The following NUP210L variants were observed in gnomAD, a reference collection of about 807,000 sequenced individuals.
NUP210L encodes the protein nucleoporin 210 like.
Under a neutral mutation model 208.5 loss-of-function variants are expected in NUP210L, and 74 were observed. That is an observed-to-expected ratio of 0.35 (90% CI 0.29 to 0.43). The LOEUF is 0.43. NUP210L is among the 20% of genes least tolerant of loss of function. NUP210L has a pLI of 1.00. For synonymous variants in NUP210L, 780 were observed against 816.9 expected (o/e 0.95, Z 0.77); for missense variants, 1,843 against 2,289.4 (o/e 0.81, Z 3.98).
chr1:153,995,219 AG>A (rs781759995), intron 37 of NUP210L, 39 bp from the exon 38 acceptor site: 1 of 1,382,330 alleles, frequency 7.2e-7, no homozygotes, highest in Non-Finnish European at 1.0e-6. Context: ...AATAGTTAAT[AG>A]CAACCATGGG....
intron 25 of NUP210L, among the ~76,000 whole-genome samples, chr1:154,048,401 AT>A (rs1653304549): frequency 6.6e-6 from 1 of 152,174 alleles, no homozygotes; most frequent in Non-Finnish European, 1.5e-5. Context: ...TATTATAGCT[AT>A]GTTTGAGCTT....
chr1:154,012,783 C>T (rs2147911310), intron 33 of NUP210L, among the ~76,000 whole-genome samples: 1 of 151,464 alleles, frequency 6.6e-6, no homozygotes, highest in South Asian at 2.1e-4. Flanking sequence ...GCGGGCGGCT[C>T]ACCTGGGGTC....
At chr1:154,113,523 A>G (rs936200563) in intron 12 of NUP210L, among the ~76,000 whole-genome samples, 1 of 152,120 alleles carries the variant, frequency 6.6e-6, no homozygotes, top group African/African-American at 2.4e-5. Context: ...AATAACAACC[A>G]CAAAAAAGAA....
At chr1:154,085,538 A>G (rs1286573584) in intron 16 of NUP210L, among the ~76,000 whole-genome samples, 4 of 152,136 alleles carry the variant, frequency 2.6e-5, no homozygotes, top group Non-Finnish European at 5.9e-5. Context: ...AAAAGGCAAT[A>G]TTATCAAAAT....
chr1:154,154,943 G>A (rs199776525), exon 1 of NUP210L: 1 of 1,614,204 alleles, frequency 6.2e-7, no homozygotes. Context: ...TGTTGGCCAG[G>A]GTCCCACGCA....
At chr1:154,022,981 TA>T in intron 31 of NUP210L, 140 bp downstream of exon 31, 8 of 867,562 alleles carry the variant, frequency 9.2e-6, no homozygotes, top group Non-Finnish European at 1.2e-5. Flanking sequence ...TGGCCTCACT[TA>T]AAAAAATTTT....
chr1:154,138,936 T>C (rs6665098), intron 5 of NUP210L, among the ~76,000 whole-genome samples: 148,214 of 152,318 alleles, frequency 0.97, 72,234 homozygotes, highest in East Asian at 1. Flanking sequence ...ATATAAATTT[T>C]TGCACACAAA....
intron 7 of NUP210L, among the ~76,000 whole-genome samples, chr1:154,133,826 C>A (rs931889536): frequency 3.3e-5 from 5 of 151,878 alleles, no homozygotes; most frequent in African/African-American, 4.8e-5. Flanking sequence ...CCAGCCTGGG[C>A]AACAGAGTGA....
intron 16 of NUP210L, among the ~76,000 whole-genome samples, chr1:154,073,841 TAAATA>T (rs1654898617): frequency 6.7e-6 from 1 of 150,202 alleles, no homozygotes; most frequent in East Asian, 2.0e-4. Flanking sequence ...AATAAATAAA[TAAATA>T]AATAAATAAA....
intron 12 of NUP210L, among the ~76,000 whole-genome samples, chr1:154,105,395 A>ATGAGAATT (rs1372405034): frequency 6.6e-6 from 1 of 151,464 alleles, no homozygotes; most frequent in African/African-American, 2.4e-5. Context: ...AGGCTGAGGC[A>ATGAGAATT]TGAGAATTGC....
chr1:154,045,045 G>A lies in NUP210L; in HGVS notation c.3696+1024C>T, dbSNP rs117567384. ...CCAGATACAGCAGGTAGTGAATTGG[G>A]AGGAGCCAATACCACCAGATACCAA... On this transcript the variant is annotated intron_variant, in intron 27 of 39. Coordinates refer to ENST00000368559, the Ensembl canonical transcript of NUP210L. 2.0e-4 allele frequency among the ~76,000 whole-genome samples: 31 copies of A among 152,236 alleles called. No homozygotes were observed. In the East Asian group the frequency reaches 5.8e-3, roughly 28 times the overall value.
chr1:154,065,292 C>A (rs1654347714), intron 17 of NUP210L, among the ~76,000 whole-genome samples: 1 of 150,948 alleles, frequency 6.6e-6, no homozygotes. Flanking sequence ...TGGTGGCATG[C>A]ACCTACAGTC....
intron 24 of NUP210L, among the ~76,000 whole-genome samples, 170 bp from the exon 25 acceptor site, chr1:154,054,577 T>C (rs1475771796): frequency 6.6e-6 from 1 of 152,214 alleles, no homozygotes; most frequent in Non-Finnish European, 1.5e-5. Flanking sequence ...AAATGATCCA[T>C]GGGATTCCAA....
chr1:154,152,477 A>ATT (rs11458686), intron 2 of NUP210L, among the ~76,000 whole-genome samples: 1,827 of 139,356 alleles, frequency 0.013, 42 homozygotes, highest in African/African-American at 0.042. Context: ...CCCAGCCATA[A>ATT]TTTTTTTTTT....
intron 2 of NUP210L, among the ~76,000 whole-genome samples, chr1:154,151,083 T>G (rs1385933196): frequency 6.6e-6 from 1 of 152,088 alleles, no homozygotes; most frequent in Non-Finnish European, 1.5e-5. Flanking sequence ...GATTTGACAT[T>G]TTTCCTAGTA....
At chr1:154,007,250 C>A (rs1414837387) in intron 35 of NUP210L, among the ~76,000 whole-genome samples, 1 of 139,668 alleles carries the variant, frequency 7.2e-6, no homozygotes, top group Non-Finnish European at 1.5e-5. Context: ...GCGTTAGCTA[C>A]TGCGCCGGGC....
intron 22 of NUP210L, among the ~76,000 whole-genome samples, chr1:154,057,207 GA>G (rs1653915017): frequency 6.6e-6 from 1 of 151,940 alleles, no homozygotes; most frequent in African/African-American, 2.4e-5. Context: ...TTGAATTTTG[GA>G]TTCAAGCAAT....
chr1:154,098,713 G>A (rs886068579), intron 14 of NUP210L, among the ~76,000 whole-genome samples: 2 of 152,164 alleles, frequency 1.3e-5, no homozygotes, highest in South Asian at 4.1e-4. Flanking sequence ...AGCCATGGGT[G>A]GGTCTGGAAA....
intron 8 of NUP210L, among the ~76,000 whole-genome samples, chr1:154,128,358 C>T (rs537844282): frequency 2.0e-5 from 3 of 151,324 alleles, no homozygotes; most frequent in East Asian, 3.9e-4. Flanking sequence ...TGGTGGCTCG[C>T]GGCTATAGTT....
Sources: allele counts gnomAD v4.1 joint callset (sites outside exome capture counted in the v4.1 genomes callset), GRCh38; gene constraint gnomAD v4.1.1; transcripts MANE v1.5; gene names NCBI Gene and HGNC (gene_info 2026-07-23, HGNC 2026-07-21).